The following SPRTN variants were observed in gnomAD, a reference collection of about 807,000 sequenced individuals.
SPRTN encodes SprT-like N-terminal domain.
A neutral mutation model predicts 31.9 loss-of-function variants in SPRTN; 11 were observed. That is an observed-to-expected ratio of 0.34 (90% confidence interval 0.22 to 0.57). SPRTN has a LOEUF of 0.57. Among genes scored for constraint, SPRTN ranks in the 20% least tolerant of loss-of-function variants. The pLI, the probability that SPRTN is intolerant of heterozygous loss-of-function variation, is 0.86. For synonymous variants in SPRTN, 185 were observed against 212.1 expected, an observed-to-expected ratio of 0.87 and a Z score of 1.11; for missense variants, 482 against 590.1, an observed-to-expected ratio of 0.82 and a Z score of 1.90.
rs1299942646 is a variant in SPRTN, at chr1:231,338,412, G to A, written c.29G>A (p.Arg10Gln). The A allele has an allele frequency of 6.2e-7, 1 of 1,614,148 alleles. No homozygotes were observed. Among genetic ancestry groups the A allele is most frequent in the East Asian group, 2.2e-5 (1 of 44,904 alleles). ...GATGATGACTTGATGTTGGCACTGC[G>A]GCTTCAGGAGGAGTGGAACTTGCAG... MDDDLMLAL[R>Q]LQEEWNLQEA... The change falls in exon 1 of 5, where the codon CGG becomes CAG. Residue 10 changes from arginine (R) to glutamine (Q), a missense_variant. By Grantham distance (43) the Arg-to-Gln change is conservative (BLOSUM62 1). Transcript: ENST00000295050.
chr1:231,344,533 A>C (rs1465230398), intron 2 of SPRTN: 1 of 176,662 alleles, frequency 5.7e-6, no homozygotes, highest in African/African-American at 2.4e-5. Flanking sequence ...AAATAAATAA[A>C]GTTCCTTTTA....
intron 3 of SPRTN, among the ~76,000 whole-genome samples, chr1:231,351,015 A>G (rs1687209811): frequency 6.6e-6 from 1 of 151,924 alleles, no homozygotes; most frequent in African/African-American, 2.4e-5. Flanking sequence ...GTTCATGAAG[A>G]TTTTCTGTGG....
intron 2 of SPRTN, among the ~76,000 whole-genome samples, chr1:231,341,162 A>G (rs1686877351): frequency 6.6e-6 from 1 of 151,814 alleles, no homozygotes; most frequent in Admixed American, 6.6e-5. Context: ...TCCATTAAAT[A>G]CATGGAATGG....
Position 231,350,206 on chromosome 1 carries a change from G to A in SPRTN, c.451-1098G>A, listed in dbSNP as rs186175479. ...AGAAATTTTTTGCTTAGGATGGAGC[G>A]ATAGTGAGTTTAAAACTATCTATAG... On this transcript the variant is annotated intron_variant, in intron 3 of 4. Coordinates refer to ENST00000295050, the MANE Select transcript of SPRTN (RefSeq NM_032018.7). 1.8e-4 allele frequency among the ~76,000 whole-genome samples: 27 copies of A among 152,272 alleles called. No individual in the cohort carries two copies. The East Asian group carries it at 2.7e-3, about 15-fold the overall frequency.
chr1:231,347,962 T>G, intron 3 of SPRTN, 37 bp downstream of exon 3: 1 of 1,585,270 alleles, frequency 6.3e-7, no homozygotes, highest in South Asian at 1.2e-5. Flanking sequence ...TGTTTAGTAG[T>G]TGTTTATTCA....
chr1:231,340,047 T>TAAA (rs3071954), intron 2 of SPRTN, 179 bp downstream of exon 2: 12,185 of 290,936 alleles, frequency 0.042, 177 homozygotes, highest in Middle Eastern at 0.054. Context: ...TGCTTCATAG[T>TAAA]AAAAAAAAAA....
rs753635439 is a variant in SPRTN, at chr1:231,353,940, A to G, written c.*579A>G. ...ATTTTATTTGTCCCACTTTTACTAA[A>G]CAGTGGCAGCAGATTTTAAGTTAAA... On this transcript the variant is annotated 3_prime_UTR_variant, in exon 5 of 5. Coordinates refer to ENST00000295050, the MANE Select transcript of SPRTN (RefSeq NM_032018.7). The G allele has an allele frequency of 1.9e-5, 18 of 933,336 alleles. No homozygotes were observed. Among genetic ancestry groups the G allele is most frequent in the Non-Finnish European group, 2.2e-5 (17 of 782,490 alleles). 57.8% of individuals were successfully genotyped at this position (933,336 alleles called of 1,614,324 possible). A position where few individuals can be genotyped will look rare whatever the true frequency, so the allele number is the denominator to read the frequency against.
Position 231,351,394 on chromosome 1 carries a change from G to A in SPRTN, c.541G>A (p.Gly181Ser), listed in dbSNP as rs761874937. The A allele has an allele frequency of 5.6e-6, 9 of 1,614,060 alleles. No homozygotes were observed. The highest frequency in any genetic ancestry group is 2.2e-5 in the East Asian group (1 of 44,878). Residue 181 changes from glycine (G) to serine (S), a missense_variant, in exon 4 of 5, where the codon GGC becomes AGC. Physicochemically the swap from Gly to Ser is moderately conservative, Grantham distance 56. Transcript: ENST00000295050. ...GTGCCAGCACAGGCCACCGTATTAC[G>A]GCTATGTCAAACGAGCTACTAACAG... is the stretch of plus-strand genomic sequence containing the variant. ...GPCQHRPPYY[G>S]YVKRATNREP...
Position 231,354,107 on chromosome 1 carries a change from G to A in SPRTN, c.*746G>A, listed in dbSNP as rs1687322113. The A allele has an allele frequency of 1.0e-6, 1 of 984,922 alleles. No homozygotes were observed. Among genetic ancestry groups the A allele is most frequent in the Admixed American group, 6.1e-5 (1 of 16,262 alleles). The allele number at this position is 984,922 out of a possible 1,614,324, so 61.0% of individuals were successfully genotyped here. ...AGCAGAGTGGTTAAAATTCTGTGCT[G>A]ATAAGTAACTGATACATATAACATA... On this transcript the variant is annotated 3_prime_UTR_variant, in exon 5 of 5. Transcript: ENST00000295050.
Position 231,339,785 on chromosome 1 carries a change from A to C in SPRTN, c.238A>C (p.Ser80Arg). The C allele has an allele frequency of 6.2e-7, 1 of 1,614,172 alleles. No individual in the cohort carries two copies. Among genetic ancestry groups the C allele is most frequent in the Non-Finnish European group, 8.5e-7 (1 of 1,180,014 alleles). ...VRMTLCAGIC[S>R]YEGKGGMCSI... ...GTTTTCTAGGTGTGCTGGGATATGC[A>C]GCTATGAAGGGAAGGGTGGAATGTG... Residue 80 changes from serine to arginine, a missense_variant, in exon 2 of 5, where the codon AGC (serine) becomes CGC (arginine). By Grantham distance (110) the Ser-to-Arg change is moderately radical. Transcript: ENST00000295050.
intron 2 of SPRTN, among the ~76,000 whole-genome samples, chr1:231,345,516 T>G (rs1173317622): frequency 2.0e-5 from 3 of 152,240 alleles, no homozygotes; most frequent in Non-Finnish European, 4.4e-5. Flanking sequence ...TGCATAGAAT[T>G]CCATTATATG....
intron 2 of SPRTN, among the ~76,000 whole-genome samples, chr1:231,342,547 C>G (rs1278049942): frequency 6.6e-6 from 1 of 151,848 alleles, no homozygotes; most frequent in Non-Finnish European, 1.5e-5. Flanking sequence ...CCTCCTACCT[C>G]AGCCTCCCAA....
intron 3 of SPRTN, among the ~76,000 whole-genome samples, chr1:231,349,431 G>T (rs186588052): frequency 6.6e-6 from 1 of 152,190 alleles, no homozygotes; most frequent in South Asian, 2.1e-4. Context: ...TTATAGACTT[G>T]CTTGTATAAA....
intron 2 of SPRTN, among the ~76,000 whole-genome samples, chr1:231,344,140 TC>T (rs1686980429): frequency 6.6e-6 from 1 of 152,252 alleles, no homozygotes; most frequent in Admixed American, 6.5e-5. Flanking sequence ...TGAGAATAGA[TC>T]TTTATCATTG....
Position 231,353,160 on chromosome 1 carries a change from G to A in SPRTN, c.1269G>A (p.Lys423=), listed in dbSNP as rs779664072. 14 of 1,611,820 alleles carry A rather than the reference G, an allele frequency of 8.7e-6. No individual in the cohort carries two copies. The highest frequency in any genetic ancestry group is 1.2e-5 in the Non-Finnish European group (14 of 1,179,418). The change falls in exon 5 of 5, where the codon AAG becomes AAA. Residue 423 remains lysine, a synonymous_variant. Coordinates refer to ENST00000295050, the MANE Select transcript of SPRTN (RefSeq NM_032018.7). The stretch of plus-strand genomic sequence containing the variant: ...CTGTTTTTGACAATTTTTTTATCAA[G>A]AAAGAGCAAATAAAAAGCAGTGGTA... The part of the protein sequence containing the change: ...DKTVFDNFFI[K]KEQIKSSGND...
At chr1:231,347,427 A>G (rs532267593) in intron 2 of SPRTN, among the ~76,000 whole-genome samples, 1 of 152,164 alleles carries the variant, frequency 6.6e-6, no homozygotes, top group East Asian at 1.9e-4. Context: ...TGGCACAATC[A>G]CAGCTCACTG....
chr1:231,339,760 G>A lies in SPRTN; in HGVS notation c.222-9G>A. ...AATGTAACACATTTTTATGGTGATT[G>A]TTTTCTAGGTGTGCTGGGATATGCA... On this transcript the variant is annotated splice_polypyrimidine_tract_variant and intron_variant, in intron 1 of 4. Coordinates refer to ENST00000295050, the MANE Select transcript of SPRTN (RefSeq NM_032018.7). The A allele has an allele frequency of 1.9e-6, 3 of 1,614,028 alleles. No individual in the cohort carries two copies. Among genetic ancestry groups the A allele is most frequent in the Non-Finnish European group, 2.5e-6 (3 of 1,179,934 alleles).
chr1:231,354,486 C>A lies in SPRTN; in HGVS notation c.*1125C>A. 1 of 689,156 alleles carries A rather than the reference C, an allele frequency of 1.5e-6. No homozygotes were observed. The highest frequency in any genetic ancestry group is 1.8e-6 in the Non-Finnish European group (1 of 559,250). The allele number at this position is 689,156 out of a possible 1,614,324, so 42.7% of individuals were successfully genotyped here. ...AGTGTTCACCTGTGTAACTACCACC[C>A]GGATCAAGTTAGAGAACACTTCCAT... On this transcript the variant is annotated 3_prime_UTR_variant, in exon 5 of 5. Transcript: ENST00000295050.
Position 231,353,340 on chromosome 1 carries a change from C to T in SPRTN, c.1449C>T (p.Val483=). The T allele has an allele frequency of 6.3e-7, 1 of 1,587,924 alleles. No individual in the cohort carries two copies. The part of the protein sequence containing the change: ...DWCLEGDSIK[V]KSEESL ...GCCTTGAAGGTGACAGCATCAAAGTCAAAAGCGAAGAAAGTCTTTGAAAAA... is the reference window on the plus strand; with the variant it reads ...GCCTTGAAGGTGACAGCATCAAAGTTAAAAGCGAAGAAAGTCTTTGAAAAA... The change falls in exon 5 of 5, where the codon GTC becomes GTT. Residue 483 remains valine (V), a synonymous_variant. Transcript: ENST00000295050.
Sources: gnomAD v4.1 joint callset for allele counts (sites outside exome capture counted in the v4.1 genomes callset) on GRCh38, gnomAD v4.1.1 for gene constraint, MANE v1.5 for transcripts, NCBI Gene and HGNC (gene_info 2026-07-23, HGNC 2026-07-21) for gene names.